The following SLC12A1 variants were observed in gnomAD, a reference collection of about 807,000 sequenced individuals.
SLC12A1 encodes Na-K-2Cl cotransporter.
In SLC12A1, 89 loss-of-function variants were observed where a neutral mutation model predicts 130.4. That is an observed-to-expected ratio of 0.68 (90% confidence interval 0.58 to 0.81). The LOEUF is 0.81. Ranked by LOEUF, SLC12A1 falls within the 40% of genes least tolerant of loss-of-function variation. The pLI is 0.00. For synonymous variants in SLC12A1, 499 were observed against 460.0 expected, an observed-to-expected ratio of 1.08 and a Z score of -1.09; for missense variants, 1,310 against 1,336.4, an observed-to-expected ratio of 0.98 and a Z score of 0.31.
Position 48,289,431 on chromosome 15 carries a change from T to TATATATATATATATATA in SLC12A1, c.2873+915_2873+916insATATATATATATATATA, listed in dbSNP as rs60463295. 5.6e-4 allele frequency among the ~76,000 whole-genome samples: 69 copies of TATATATATATATATATA among 122,268 alleles called. 2 individuals are homozygous for TATATATATATATATATA. Among genetic ancestry groups the TATATATATATATATATA allele is most frequent in the South Asian group, 1.3e-3 (5 of 3,914 alleles). The allele number at this position is 122,268 out of a possible 152,430, so 80.2% of individuals were successfully genotyped here. A position where few individuals can be genotyped will look rare whatever the true frequency, so the allele number is the denominator to read the frequency against. ...TATATATATATATATATATATATAA[T>TATATATATATATATATA]GTATAACTATGTATAACTGTATAAT... On this transcript the variant is annotated intron_variant, in intron 23 of 26. Transcript: ENST00000380993.
Position 48,273,164 on chromosome 15 carries a change from G to A in SLC12A1, c.2403-1407G>A, listed in dbSNP as rs534595921. On this transcript the variant is annotated intron_variant, in intron 19 of 26. Coordinates refer to ENST00000380993, the MANE Select transcript of SLC12A1 (RefSeq NM_000338.3). ...ACAGTTCTGTCGATTAGTCTGGCAC[G>A]TGTGGGCCAGGCTGCATTCCCTTCC... Among the ~76,000 whole-genome samples, 65 of 151,084 alleles carry A rather than the reference G, an allele frequency of 4.3e-4. 1 individual carries two copies. In the South Asian group the frequency reaches 0.012, roughly 29 times the overall value.
rs137893258 is a variant in SLC12A1 at position 48,267,661 on chromosome 15, C to G, written c.2255C>G (p.Ala752Gly). ...NKIKAFYAAV[A>G]ADCFRDGVRS... ...ATCAAGGCTTTTTATGCTGCAGTGG[C>G]GGCAGACTGTTTCAGGGATGGTGTC... The change falls in exon 18 of 27, where the codon GCG becomes GGG. Residue 752 changes from alanine (A) to glycine (G), a missense_variant. By Grantham distance (60) the Ala-to-Gly change is moderately conservative. Coordinates refer to ENST00000380993, the MANE Select transcript of SLC12A1 (RefSeq NM_000338.3). 1 of 1,613,416 alleles carries G rather than the reference C, an allele frequency of 6.2e-7. No individual in the cohort carries two copies. Among genetic ancestry groups the G allele is most frequent in the South Asian group, 1.1e-5 (1 of 91,056 alleles).
chr15:48,227,157 A>G, intron 5 of SLC12A1: 2 of 1,550,766 alleles, frequency 1.3e-6, no homozygotes, highest in Non-Finnish European at 1.7e-6. Flanking sequence ...ATTTGCACGA[A>G]TGGAGTAGTA....
intron 22 of SLC12A1, 51 bp downstream of exon 22, chr15:48,288,225 A>G: frequency 6.4e-7 from 1 of 1,554,280 alleles, no homozygotes; most frequent in Non-Finnish European, 8.8e-7. Context: ...ATTTTGATAA[A>G]CTTAAACTGC....
rs955473093 is a variant in SLC12A1 at position 48,288,426 on chromosome 15, A to C, written c.2783A>C (p.Tyr928Ser). 7.9e-6 allele frequency: 12 copies of C among 1,524,266 alleles called. No homozygotes were observed. The highest frequency in any genetic ancestry group is 2.7e-5 in the African/African-American group (2 of 72,776). The allele number at this position is 1,524,266 out of a possible 1,614,324, so 94.4% of individuals were successfully genotyped here. A position where few individuals can be genotyped will look rare whatever the true frequency, so the allele number is the denominator to read the frequency against. ...DDGGLTLLIP[Y>S]ILTLRKKWKD... ...CCAGGGTTAACACTTCTTATCCCCT[A>C]TATCTTAACTCTCAGAAAAAAATGG... Residue 928 changes from tyrosine to serine, a missense_variant, in exon 23 of 27, where the codon TAT (tyrosine) becomes TCT (serine). Physicochemically the swap from Tyr to Ser is moderately radical, Grantham distance 144. Transcript: ENST00000380993.
chr15:48,237,169 T>C (rs1413312224), intron 9 of SLC12A1: 1 of 621,812 alleles, frequency 1.6e-6, no homozygotes, highest in Non-Finnish European at 2.9e-6. Context: ...GGACACTCAA[T>C]CCAGGTTTTG....
At chr15:48,237,821 G>A (rs1219196028) in intron 9 of SLC12A1, among the ~76,000 whole-genome samples, 2 of 152,170 alleles carry the variant, frequency 1.3e-5, no homozygotes, top group African/African-American at 4.8e-5. Context: ...AAATATGTGT[G>A]TTAGAGAGAG....
chr15:48,255,618 G>A (rs980478346), intron 15 of SLC12A1, among the ~76,000 whole-genome samples, 193 bp from the exon 16 acceptor site: 1 of 152,180 alleles, frequency 6.6e-6, no homozygotes, highest in African/African-American at 2.4e-5. Flanking sequence ...AGCTTCTGAA[G>A]ATTCACGTAG....
chr15:48,274,486 T>C, intron 19 of SLC12A1, 85 bp from the exon 20 acceptor site: 1 of 836,840 alleles, frequency 1.2e-6, no homozygotes, highest in African/African-American at 1.7e-5. Context: ...TATATCAAAA[T>C]CCTAGAAGCA....
chr15:48,301,111 C>A (rs968994100), intron 25 of SLC12A1, among the ~76,000 whole-genome samples: 13 of 152,300 alleles, frequency 8.5e-5, no homozygotes, highest in Non-Finnish European at 1.8e-4. Context: ...CAATGAAAAT[C>A]TTTGTACTGT....
rs549174708 is a variant in SLC12A1 at position 48,296,598 on chromosome 15, G to A, written c.2961-2542G>A. On this transcript the variant is annotated intron_variant, in intron 24 of 26. Coordinates refer to ENST00000380993, the MANE Select transcript of SLC12A1 (RefSeq NM_000338.3). ...TACTTTGAGAGAAGAAATTTTATGT[G>A]GACTTAGGGGGAAAATATTATGCAA... Among the ~76,000 whole-genome samples the A allele has an allele frequency of 5.9e-5, 9 of 152,120 alleles. No homozygotes were observed. The East Asian group carries it at 1.2e-3, about 20-fold the overall frequency.
intron 25 of SLC12A1, 123 bp from the exon 26 acceptor site, chr15:48,301,192 G>C: frequency 1.3e-6 from 1 of 741,866 alleles, no homozygotes; most frequent in Non-Finnish European, 2.3e-6. Context: ...GCCTGAAAAA[G>C]TAATTGTAAT....
In SLC12A1 at chr15:48,301,298, C is replaced by G. The variant is rs748171831; in HGVS notation, c.3097-17C>G. On this transcript the variant is annotated splice_polypyrimidine_tract_variant and intron_variant, in intron 25 of 26. Coordinates refer to ENST00000380993, the MANE Select transcript of SLC12A1 (RefSeq NM_000338.3). ...TCTGGTAGAACTGTACTCAACAAAT[C>G]TGAATGTTGCCCACAGAGTTACCGC... The G allele has an allele frequency of 1.3e-6, 2 of 1,579,682 alleles. No homozygotes were observed. The highest frequency in any genetic ancestry group is 3.5e-5 in the Admixed American group (2 of 57,472).
intron 9 of SLC12A1, among the ~76,000 whole-genome samples, chr15:48,239,400 C>T (rs2041475805): frequency 1.3e-5 from 2 of 151,870 alleles, no homozygotes; most frequent in South Asian, 2.1e-4. Context: ...TATCATCCCA[C>T]CTACTTGGAA....
chr15:48,247,734 G>C lies in SLC12A1; in HGVS notation c.1684+274G>C, dbSNP rs2041599588. Among the ~76,000 whole-genome samples the C allele has an allele frequency of 2.0e-5, 3 of 152,176 alleles. No homozygotes were observed. The South Asian group carries it at 6.2e-4, about 32-fold the overall frequency. Reference sequence around the variant, plus strand: ...TCCTTCCTCCCACCTGCCTGAAACTGTCTAAATCTACAGTCTCCCCCAGCT... The same window carrying C: ...TCCTTCCTCCCACCTGCCTGAAACTCTCTAAATCTACAGTCTCCCCCAGCT... On this transcript the variant is annotated intron_variant, in intron 13 of 26. Coordinates refer to ENST00000380993, the MANE Select transcript of SLC12A1 (RefSeq NM_000338.3).
rs1555384117 is a variant in SLC12A1 at position 48,256,827 on chromosome 15, C to CCA, written c.2042+918_2042+919insAC. ...ACCATATCATTCCATCCCTGGCCCC[C>CCA]CCCCCCAAATTTCTTGTCCTCACAT... On this transcript the variant is annotated intron_variant, in intron 16 of 26. Coordinates refer to ENST00000380993, the MANE Select transcript of SLC12A1 (RefSeq NM_000338.3). Among the ~76,000 whole-genome samples, 163 of 144,282 alleles carry CCA rather than the reference C, an allele frequency of 1.1e-3. 4 individuals are homozygous for CCA. Among genetic ancestry groups the CCA allele is most frequent in the African/African-American group, 3.9e-3 (155 of 39,388 alleles). 94.7% of individuals were successfully genotyped at this position (144,282 alleles called of 152,430 possible).
chr15:48,238,766 A>G lies in SLC12A1; in HGVS notation c.1216-2749A>G, dbSNP rs540161687. Among the ~76,000 whole-genome samples, 5 of 152,328 alleles carry G rather than the reference A, an allele frequency of 3.3e-5. No individual in the cohort carries two copies. The East Asian group carries it at 9.7e-4, about 29-fold the overall frequency. On this transcript the variant is annotated intron_variant, in intron 9 of 26. Transcript: ENST00000380993. ...ATAGGAAAGATCCTGATCTCCGCTC[A>G]CAGCCTCAGAATCCTCCTCTGGAAG...
intron 20 of SLC12A1, among the ~76,000 whole-genome samples, chr15:48,275,949 T>C (rs1034404511): frequency 7.2e-5 from 11 of 152,118 alleles, no homozygotes; most frequent in Admixed American, 3.9e-4. Flanking sequence ...AGGACTAGAA[T>C]GGAAATAGAT....
intron 9 of SLC12A1, among the ~76,000 whole-genome samples, chr15:48,240,050 C>CAT (rs374160430): frequency 0.26 from 1,639 of 6,272 alleles, 195 homozygotes; most frequent in East Asian, 0.49. Flanking sequence ...TATATATATC[C>CAT]ATATATATAT....
Sources: gnomAD v4.1 joint callset for allele counts (sites outside exome capture counted in the v4.1 genomes callset) on GRCh38, gnomAD v4.1.1 for gene constraint, MANE v1.5 for transcripts, NCBI Gene and HGNC (gene_info 2026-07-23, HGNC 2026-07-21) for gene names.